Variants in TGM6 observed in about 807,000 individuals in gnomAD.
TGM6 encodes the protein transglutaminase 6, also known as protein-glutamine gamma-glutamyltransferase 6.
Under a neutral mutation model 77.5 loss-of-function variants are expected in TGM6, and 74 were observed. The observed-to-expected ratio is 0.96, with a 90% confidence interval of 0.79 to 1.16. The LOEUF (loss-of-function observed/expected upper bound fraction) is 1.16. Ranked by LOEUF, TGM6 falls within the 50% of genes most tolerant of loss-of-function variation. The pLI, the probability that TGM6 is intolerant of heterozygous loss-of-function variation, is 0.00. For missense variants in TGM6, 968 were observed against 940.2 expected (o/e 1.03, Z -0.39); for synonymous variants, 383 against 378.9 (o/e 1.01, Z -0.12).
intron 1 of TGM6, among the ~76,000 whole-genome samples, chr20:2,389,204 C>T (rs2084615215): frequency 6.6e-6 from 1 of 152,112 alleles, no homozygotes; most frequent in African/African-American, 2.4e-5. Context: ...CAGGAGGACA[C>T]CCAAGCATTC....
rs966276430 is a variant in TGM6 at position 2,394,770 on chromosome 20, G to A, written c.181+145G>A. The A allele has an allele frequency of 1.6e-5, 16 of 1,003,084 alleles. No individual in the cohort carries two copies. The African/African-American group carries it at 2.2e-4, about 14-fold the overall frequency. The allele number at this position is 1,003,084 out of a possible 1,614,324, so 62.1% of individuals were successfully genotyped here. ...GTAGACGGAGCCTTGAACCCTGGAG[G>A]CTTCTGGTGGCAGCTTTCTGGGGGT... On this transcript the variant is annotated intron_variant, in intron 2 of 12. Coordinates refer to ENST00000202625, the MANE Select transcript of TGM6 (RefSeq NM_198994.3).
intron 2 of TGM6, 68 bp from the exon 3 acceptor site, chr20:2,395,126 T>C (rs2084654520): frequency 1.3e-6 from 2 of 1,588,682 alleles, no homozygotes; most frequent in South Asian, 2.3e-5. Context: ...GGCCTGTAGC[T>C]TTTTTCACTT....
intron 7 of TGM6, among the ~76,000 whole-genome samples, chr20:2,402,148 G>A (rs959875276): frequency 1.2e-4 from 19 of 152,128 alleles, no homozygotes; most frequent in East Asian, 9.7e-4. Flanking sequence ...AGGCTGAGGC[G>A]TGAGAATCAC....
chr20:2,384,073 C>T (rs542896054), intron 1 of TGM6, among the ~76,000 whole-genome samples: 2 of 146,832 alleles, frequency 1.4e-5, no homozygotes, highest in Admixed American at 1.4e-4. Flanking sequence ...TGCCACTGCA[C>T]TCCAGCCTGG....
intron 7 of TGM6, among the ~76,000 whole-genome samples, chr20:2,402,678 CCTTT>C (rs1382584703): frequency 6.6e-6 from 1 of 152,208 alleles, no homozygotes; most frequent in East Asian, 1.9e-4. Context: ...TCTGTCTGCT[CCTTT>C]CTTTCTGCAA....
At position 2,403,761 on chromosome 20, in the gene TGM6, G is replaced by A. The variant is rs1480385759; in HGVS notation, c.1274G>A (p.Ser425Asn). Residue 425 changes from serine to asparagine, a missense_variant, in exon 9 of 13, where the codon AGC becomes AAC. Transcript: ENST00000202625. ...SNTKKIGRCI[S>N]TKAVGSDSRV... is the part of the protein sequence containing the mutation. ...ACGAAGAAGATTGGGAGATGCATCAGCACCAAGGCGGTGGGCAGTGACTCC... is the reference window on the plus strand; with the variant it reads ...ACGAAGAAGATTGGGAGATGCATCAACACCAAGGCGGTGGGCAGTGACTCC... 5.6e-6 allele frequency: 9 copies of A among 1,614,126 alleles called. No homozygotes were observed. The highest frequency in any genetic ancestry group is 7.6e-6 in the Non-Finnish European group (9 of 1,180,056).
intron 2 of TGM6, 81 bp from the exon 3 acceptor site, chr20:2,395,113 C>G: frequency 6.4e-7 from 1 of 1,570,688 alleles, no homozygotes; most frequent in African/African-American, 1.3e-5. Context: ...GGTGGGGCTT[C>G]CAGGCCTGTA....
intron 6 of TGM6, among the ~76,000 whole-genome samples, chr20:2,400,003 C>T (rs2084695537): frequency 6.6e-6 from 1 of 152,110 alleles, no homozygotes; most frequent in Non-Finnish European, 1.5e-5. Context: ...GCCTCCAGTC[C>T]CCTCAGGAAG....
At chr20:2,385,478 C>T (rs1452273890) in intron 1 of TGM6, among the ~76,000 whole-genome samples, 1 of 152,146 alleles carries the variant, frequency 6.6e-6, no homozygotes, top group African/African-American at 2.4e-5. Flanking sequence ...CATCAGATTC[C>T]TTCTGGGTCA....
At position 2,404,830 on chromosome 20, in the gene TGM6, G is replaced by A. The variant is rs192740677; in HGVS notation, c.1336+1007G>A. 5.3e-3 allele frequency among the ~76,000 whole-genome samples: 802 copies of A among 152,036 alleles called. 7 individuals carry two copies. The highest frequency in any genetic ancestry group is 0.017 in the African/African-American group (711 of 41,436). The stretch of plus-strand genomic sequence containing the variant: ...TAATTTTTGTATTTTTAGTAGAGAC[G>A]GGGTTTCACCATGTTGGCCAGGCTG... On this transcript the variant is annotated intron_variant, in intron 9 of 12. Coordinates refer to ENST00000202625, the MANE Select transcript of TGM6 (RefSeq NM_198994.3).
chr20:2,394,927 TC>T (rs952250062), intron 2 of TGM6, among the ~76,000 whole-genome samples: 4 of 152,164 alleles, frequency 2.6e-5, no homozygotes, highest in African/African-American at 9.7e-5. Context: ...AGCTTTTCTT[TC>T]CTTTCCTGGC....
In TGM6 at chr20:2,399,602, G is replaced by A; in HGVS notation, c.714G>A (p.Trp238Ter). 6.2e-7 allele frequency: 1 copy of A among 1,613,488 alleles called. No homozygotes were observed. ...NNDRGVVQGQ[W>*]QGKYGGGTSP... ...ACCGAGGTGTGGTGCAAGGACAGTG[G>A]CAGGGCAAGTACGGCGGCGGCACCA... The change falls in exon 6 of 13, where the codon TGG becomes TGA. Residue 238 changes from tryptophan (W) to a stop codon, truncating the protein, a stop_gained. Transcript: ENST00000202625. LOFTEE classifies it high-confidence loss of function.
At chr20:2,406,325 T>C (rs2084750106) in intron 9 of TGM6, among the ~76,000 whole-genome samples, 1 of 151,820 alleles carries the variant, frequency 6.6e-6, no homozygotes, top group Admixed American at 6.6e-5. Context: ...ACCCCATCTC[T>C]ATAAAAAATA....
At chr20:2,409,075 C>T (rs1321013983) in intron 9 of TGM6, among the ~76,000 whole-genome samples, 1 of 152,120 alleles carries the variant, frequency 6.6e-6, no homozygotes, top group African/African-American at 2.4e-5. Flanking sequence ...TGACCATATG[C>T]TCAGCCATAA....
At position 2,380,918 on chromosome 20, in the gene TGM6, C is replaced by CG; in HGVS notation, c.-49dup. ...GCTGTGACGCGCCACACTGTCCTGA[C>CG]GGTGCACACACTGCTGTGTGGAGGA... On this transcript the variant is annotated 5_prime_UTR_variant, in exon 1 of 13. Transcript: ENST00000202625. 6.3e-7 allele frequency: 1 copy of CG among 1,597,840 alleles called. No homozygotes were observed. The highest frequency in any genetic ancestry group is 8.5e-7 in the Non-Finnish European group (1 of 1,174,056).
Position 2,413,597 on chromosome 20 carries a change from C to T in TGM6, c.1337-3635C>T, listed in dbSNP as rs576633381. On this transcript the variant is annotated intron_variant, in intron 9 of 12. Transcript: ENST00000202625. ...TCAATGGAGAAAGAATAAGAATAGTCTTTTCAACAAATGGTGTTGGGACCA... is the reference window on the plus strand; with the variant it reads ...TCAATGGAGAAAGAATAAGAATAGTTTTTTCAACAAATGGTGTTGGGACCA... Among the ~76,000 whole-genome samples, 9 of 152,254 alleles carry T rather than the reference C, an allele frequency of 5.9e-5. No individual in the cohort carries two copies. The South Asian group carries it at 1.5e-3, about 25-fold the overall frequency.
Position 2,396,624 on chromosome 20 carries a change from G to T in TGM6, c.543G>T (p.Gln181His), listed in dbSNP as rs1400950815. The change falls in exon 4 of 13, where the codon CAG (glutamine) becomes CAT (histidine). Residue 181 changes from glutamine (Q) to histidine (H), a missense_variant and splice_region_variant. Coordinates refer to ENST00000202625, the MANE Select transcript of TGM6 (RefSeq NM_198994.3). ...GAGCCCAGGGCTGGAACTACGGGCA[G>T]GTCTCCAGGGGCACAGGCCAGACAA... The part of the protein sequence containing the change: ...HIRAQGWNYG[Q>H]FEEDILNICL... 7 of 1,614,124 alleles carry T rather than the reference G, an allele frequency of 4.3e-6. No homozygotes were observed. The highest frequency in any genetic ancestry group is 4.2e-6 in the Non-Finnish European group (5 of 1,179,966).
intron 9 of TGM6, among the ~76,000 whole-genome samples, chr20:2,415,658 G>A (rs1599959941): frequency 6.6e-6 from 1 of 152,218 alleles, no homozygotes; most frequent in African/African-American, 2.4e-5. Context: ...ACCTGGTGAG[G>A]GCTCTGTTGT....
At chr20:2,427,425 C>T (rs2084895074) in intron 10 of TGM6, among the ~76,000 whole-genome samples, 1 of 152,102 alleles carries the variant, frequency 6.6e-6, no homozygotes, top group African/African-American at 2.4e-5. Context: ...TGTGCCTTCT[C>T]TCTTTTTTTT....
Sources: gnomAD v4.1 joint callset for allele counts (sites outside exome capture counted in the v4.1 genomes callset) on GRCh38, gnomAD v4.1.1 for gene constraint, MANE v1.5 for transcripts, NCBI Gene and HGNC (gene_info 2026-07-23, HGNC 2026-07-21) for gene names.